The following UIMC1 variants were observed in gnomAD, a reference collection of about 807,000 sequenced individuals.
UIMC1 encodes ubiquitin interaction motif containing 1, also known as BRCA1-A complex subunit RAP80.
A neutral mutation model predicts 84.9 loss-of-function variants in UIMC1; 42 were observed. The ratio of observed to expected loss-of-function variants is 0.49; its 90% CI spans 0.39 to 0.64. The LOEUF (loss-of-function observed/expected upper bound fraction) is 0.64, where lower values mean the gene tolerates loss of function less well. Among genes scored for constraint, UIMC1 ranks in the 30% least tolerant of loss-of-function variants. UIMC1 has a pLI of 0.00. For missense variants in UIMC1, 825 were observed against 847.6 expected, an observed-to-expected ratio of 0.97 and a Z score of 0.33; for synonymous variants, 281 against 293.0, an observed-to-expected ratio of 0.96 and a Z score of 0.42.
At chr5:176,997,638 T>C (rs537620972) in intron 1 of UIMC1, among the ~76,000 whole-genome samples, 9 of 144,444 alleles carry the variant, frequency 6.2e-5, no homozygotes, top group East Asian at 4.0e-4. Context: ...TGAGCAGAGA[T>C]TGCACCACTG....
chr5:176,984,215 C>T (rs1465187610), intron 1 of UIMC1, among the ~76,000 whole-genome samples: 1 of 142,396 alleles, frequency 7.0e-6, no homozygotes, highest in South Asian at 2.3e-4. Flanking sequence ...AGCGCCTCTG[C>T]CCGGCCGCCC....
chr5:176,907,043 G>A, intron 13 of UIMC1, 71 bp downstream of exon 13: 2 of 1,491,078 alleles, frequency 1.3e-6, no homozygotes, highest in Non-Finnish European at 1.9e-6. Context: ...AATAGTCAGG[G>A]GGCTGGCAAT....
intron 8 of UIMC1, among the ~76,000 whole-genome samples, chr5:176,955,642 T>G (rs1766500955): frequency 6.6e-6 from 1 of 152,206 alleles, no homozygotes; most frequent in Non-Finnish European, 1.5e-5. Flanking sequence ...GCTCTGAATG[T>G]ACAGTTAAGC....
At chr5:176,932,455 G>A (rs1190709233) in intron 10 of UIMC1, among the ~76,000 whole-genome samples, 3 of 152,134 alleles carry the variant, frequency 2.0e-5, no homozygotes, top group Non-Finnish European at 4.4e-5. Context: ...GTTAGATGAC[G>A]TTTATGATGT....
chr5:177,019,450 A>G (rs943710503), intron 1 of UIMC1, among the ~76,000 whole-genome samples: 1 of 151,744 alleles, frequency 6.6e-6, no homozygotes, highest in Non-Finnish European at 1.5e-5. Flanking sequence ...AGCCTGGGCA[A>G]TATAGGGAAA....
intron 1 of UIMC1, among the ~76,000 whole-genome samples, chr5:177,019,922 C>T (rs1317585994): frequency 2.1e-5 from 3 of 141,094 alleles, no homozygotes; most frequent in East Asian, 4.1e-4. Flanking sequence ...ACAGAGACTC[C>T]GTCTATAAAA....
chr5:176,987,320 T>C (rs1172684632), intron 1 of UIMC1, among the ~76,000 whole-genome samples: 1 of 152,124 alleles, frequency 6.6e-6, no homozygotes, highest in African/African-American at 2.4e-5. Flanking sequence ...TCCTATATGC[T>C]AGACATAAAC....
chr5:176,937,311 T>C (rs915083866), intron 10 of UIMC1, among the ~76,000 whole-genome samples: 3 of 152,008 alleles, frequency 2.0e-5, no homozygotes, highest in Admixed American at 1.3e-4. Context: ...CTGGCTAACA[T>C]GGTGAAACCC....
chr5:176,920,488 G>A (rs1761568628), intron 10 of UIMC1, among the ~76,000 whole-genome samples: 1 of 152,072 alleles, frequency 6.6e-6, no homozygotes, highest in African/African-American at 2.4e-5. Context: ...TCTCAGAGAA[G>A]TTTTTTATTT....
chr5:176,963,288 A>AG (rs1293776545), intron 6 of UIMC1, among the ~76,000 whole-genome samples: 17 of 151,886 alleles, frequency 1.1e-4, no homozygotes, highest in Non-Finnish European at 1.8e-4. Context: ...TGGGAGGCCA[A>AG]GGGGGGCGGA....
chr5:176,936,881 T>A (rs1344801153), intron 10 of UIMC1, among the ~76,000 whole-genome samples: 1 of 152,224 alleles, frequency 6.6e-6, no homozygotes, highest in East Asian at 1.9e-4. Flanking sequence ...TCTGCTTTAC[T>A]TTTTTCTCTA....
intron 1 of UIMC1, chr5:177,002,222 G>A (rs1050148900): frequency 6.6e-6 from 1 of 152,128 alleles, no homozygotes; most frequent in Non-Finnish European, 1.5e-5. Context: ...GAGCCCAGGA[G>A]TTCGAGGTTG....
In UIMC1 at chr5:176,908,693, T is replaced by G; in HGVS notation, c.1678A>C (p.Asn560His). 1.2e-6 allele frequency: 2 copies of G among 1,609,204 alleles called. No homozygotes were observed. The highest frequency in any genetic ancestry group is 1.7e-6 in the Non-Finnish European group (2 of 1,177,270). The change falls in exon 12 of 15, where the codon AAT becomes CAT. Residue 560 changes from asparagine (N) to histidine (H), a missense_variant and splice_region_variant. By Grantham distance (68) the Asn-to-His change is moderately conservative. Transcript: ENST00000511320. ...AAQTSLDIDK[N>H]EKCYLCKSLV... Reference sequence around the variant, plus strand: ...GATTTACAGAGGTAACACTTCTCATTCCTATCCAATAAGAAAAAAGGAAGA... The same window carrying G: ...GATTTACAGAGGTAACACTTCTCATGCCTATCCAATAAGAAAAAAGGAAGA...
chr5:176,990,315 T>A (rs995771685), intron 1 of UIMC1, among the ~76,000 whole-genome samples: 4 of 152,086 alleles, frequency 2.6e-5, no homozygotes, highest in African/African-American at 4.8e-5. Context: ...CCTTCTGCCA[T>A]GTGAAGACAC....
chr5:176,947,348 T>C (rs548402264), intron 9 of UIMC1, among the ~76,000 whole-genome samples: 1 of 152,278 alleles, frequency 6.6e-6, no homozygotes, highest in East Asian at 1.9e-4. Flanking sequence ...CTTCTACTTC[T>C]TTTATATATA....
intron 9 of UIMC1, among the ~76,000 whole-genome samples, chr5:176,947,782 C>G (rs964734831): frequency 2.0e-5 from 3 of 151,552 alleles, no homozygotes; most frequent in Non-Finnish European, 2.9e-5. Context: ...CGCCACTGCA[C>G]TCCAGCCTAG....
At chr5:176,906,547 T>C (rs566707683) in intron 13 of UIMC1, among the ~76,000 whole-genome samples, 246 of 152,322 alleles carry the variant, frequency 1.6e-3, no homozygotes, top group South Asian at 3.7e-3. Flanking sequence ...ACAGTAATAA[T>C]AGCAGCTAAC....
In UIMC1 at chr5:177,012,617, C is replaced by T. The variant is rs112807092; in HGVS notation, c.-9+9847G>A. ...CTGAGGCAAGAGAATCACTTGAACC[C>T]AGGAGGTGGAGGTTGCAATGAGCTG... On this transcript the variant is annotated intron_variant, in intron 1 of 5. Coordinates refer to the UIMC1 transcript ENST00000509236. 2.8e-4 allele frequency among the ~76,000 whole-genome samples: 42 copies of T among 152,096 alleles called. 1 individual carries two copies. The highest frequency in any genetic ancestry group is 9.4e-4 in the African/African-American group (39 of 41,470).
chr5:176,986,898 TA>T (rs200181013), intron 1 of UIMC1, among the ~76,000 whole-genome samples: 2 of 151,072 alleles, frequency 1.3e-5, no homozygotes, highest in Non-Finnish European at 1.5e-5. Flanking sequence ...GACCTGTGTT[TA>T]AAAAAAAACA....
Sources: allele counts gnomAD v4.1 joint callset (sites outside exome capture counted in the v4.1 genomes callset), GRCh38; gene constraint gnomAD v4.1.1; transcripts MANE v1.5; gene names NCBI Gene and HGNC (gene_info 2026-07-23, HGNC 2026-07-21).